PAH: variants seen among roughly 807,000 people sequenced by gnomAD.
PAH encodes the protein phenylalanine-4-hydroxylase.
PAH carries 64 observed loss-of-function variants against 62.0 expected under a neutral mutation model. The observed-to-expected ratio is 1.03, with a 90% CI of 0.84 to 1.27. PAH has a LOEUF of 1.27. Ranked by LOEUF, PAH falls within the 50% of genes most tolerant of loss-of-function variation. PAH has a pLI of 0.00. For synonymous variants in PAH, 195 were observed against 196.2 expected, an observed-to-expected ratio of 0.99 and a Z score of 0.05; for missense variants, 579 against 542.8, an observed-to-expected ratio of 1.07 and a Z score of -0.66.
At chr12:102,856,723 G>C (rs551694838) in intron 5 of PAH, among the ~76,000 whole-genome samples, 1 of 152,200 alleles carries the variant, frequency 6.6e-6, no homozygotes, top group Non-Finnish European at 1.5e-5. Context: ...AGGCAAACAG[G>C]GTCTGGAGTG....
At chr12:102,863,564 A>G (rs759021658) in intron 5 of PAH, among the ~76,000 whole-genome samples, 47 of 152,166 alleles carry the variant, frequency 3.1e-4, no homozygotes, top group Non-Finnish European at 6.2e-4. Context: ...AGTGGACTCA[A>G]TGCCAGAACT....
chr12:102,903,890 G>A (rs568718989), intron 2 of PAH, among the ~76,000 whole-genome samples: 4 of 152,086 alleles, frequency 2.6e-5, no homozygotes, highest in Non-Finnish European at 5.9e-5. Flanking sequence ...CTTCCCCCAG[G>A]AGCCTGCTTC....
chr12:102,877,363 G>A, intron 4 of PAH, 99 bp downstream of exon 4: 1 of 913,722 alleles, frequency 1.1e-6, no homozygotes, highest in Non-Finnish European at 1.8e-6. Flanking sequence ...TGTTGAACAA[G>A]TGAACAAGTA....
chr12:102,868,176 GTATATA>G (rs201396594), intron 4 of PAH, among the ~76,000 whole-genome samples: 58 of 2,392 alleles, frequency 0.024, 5 homozygotes, highest in African/African-American at 0.083. Flanking sequence ...ACATATATGT[GTATATA>G]TATATATATA....
At chr12:102,864,641 T>C (rs1009194162) in intron 5 of PAH, among the ~76,000 whole-genome samples, 9 of 151,662 alleles carry the variant, frequency 5.9e-5, no homozygotes, top group African/African-American at 2.2e-4. Flanking sequence ...AAAGGTAGAG[T>C]GTTGCCTTCT....
chr12:102,906,676 G>A (rs1877988877), intron 2 of PAH, among the ~76,000 whole-genome samples: 1 of 152,166 alleles, frequency 6.6e-6, no homozygotes. Context: ...TGCATTAAGT[G>A]ATTTAATCTT....
At chr12:102,920,456 C>T (rs1407586855), upstream of PAH, among the ~76,000 whole-genome samples, 2 of 152,158 alleles carry the variant, frequency 1.3e-5, no homozygotes, top group Admixed American at 1.3e-4. Context: ...TAGAGCTGAC[C>T]TTTGCTGATT....
intron 9 of PAH, 54 bp downstream of exon 9, chr12:102,846,841 G>C (rs1438788148): frequency 1.4e-6 from 2 of 1,469,868 alleles, no homozygotes; most frequent in Admixed American, 1.7e-5. Context: ...TCAAAGACCT[G>C]AGGGCCATAG....
chr12:102,846,822 A>G, intron 9 of PAH, 73 bp downstream of exon 9: 1 of 1,267,700 alleles, frequency 7.9e-7, no homozygotes, highest in Non-Finnish European at 1.2e-6. Context: ...CCAGGGGAGT[A>G]GGAAAGTTTC....
intron 1 of PAH, among the ~76,000 whole-genome samples, chr12:102,926,490 A>G (rs1173444020): frequency 6.6e-6 from 1 of 152,016 alleles, no homozygotes; most frequent in Non-Finnish European, 1.5e-5. Context: ...AAATTCATGT[A>G]ACTGGTTCAT....
intron 6 of PAH, chr12:102,854,915 C>T (rs2136648829): frequency 1.6e-6 from 1 of 620,694 alleles, no homozygotes; most frequent in Middle Eastern, 4.3e-4. Context: ...AATCCACAGC[C>T]TCAGGTGTTT....
chr12:102,865,895 G>A (rs1242679838), intron 5 of PAH, among the ~76,000 whole-genome samples: 4 of 152,134 alleles, frequency 2.6e-5, no homozygotes, highest in African/African-American at 9.7e-5. Context: ...GTTTCTTCTT[G>A]TGCATGTCTT....
chr12:102,877,937 T>C (rs1388039418), intron 3 of PAH, among the ~76,000 whole-genome samples: 1 of 152,170 alleles, frequency 6.6e-6, no homozygotes, highest in East Asian at 1.9e-4. Context: ...GTGACTCTCC[T>C]GCCTCAGCCT....
At chr12:102,882,923 G>A (rs796260637) in intron 3 of PAH, among the ~76,000 whole-genome samples, 1 of 152,006 alleles carries the variant, frequency 6.6e-6, no homozygotes, top group African/African-American at 2.4e-5. Context: ...TTTTATCAAT[G>A]TTAACCATTA....
chr12:102,944,521 G>A lies in PAH; in HGVS notation c.-96+6068C>T, dbSNP rs115481249. On this transcript the variant is annotated intron_variant, in intron 1 of 3. Coordinates refer to the PAH transcript ENST00000546844. ...GCTCACTAATTCTTTCTTCTGCTTC[G>A]TCAATTATCTTATGACTGTAATACA... Among the ~76,000 whole-genome samples, 395 of 152,124 alleles carry A rather than the reference G, an allele frequency of 2.6e-3. 2 individuals carry two copies. The highest frequency in any genetic ancestry group is 8.4e-3 in the African/African-American group (348 of 41,490).
At chr12:102,898,638 GTGAC>G (rs1280661130) in intron 2 of PAH, among the ~76,000 whole-genome samples, 1 of 152,128 alleles carries the variant, frequency 6.6e-6, no homozygotes, top group East Asian at 1.9e-4. Context: ...ATTCTTTTCT[GTGAC>G]CATCCCAACA....
intron 1 of PAH, among the ~76,000 whole-genome samples, chr12:102,941,560 G>A (rs1015438915): frequency 6.6e-6 from 1 of 152,078 alleles, no homozygotes; most frequent in Non-Finnish European, 1.5e-5. Context: ...AAATAATGAA[G>A]TAGAGGATCA....
chr12:102,874,099 A>G (rs1460468098), intron 4 of PAH, among the ~76,000 whole-genome samples: 1 of 152,208 alleles, frequency 6.6e-6, no homozygotes, highest in Non-Finnish European at 1.5e-5. Flanking sequence ...CAGTGTGAGA[A>G]ACTTAAGTCT....
chr12:102,912,764 C>A (rs1185062289), intron 2 of PAH, 27 bp downstream of exon 2: 1 of 1,456,278 alleles, frequency 6.9e-7, no homozygotes, highest in Non-Finnish European at 9.7e-7. Context: ...CGACATTATC[C>A]AAGACAAACA....
Sources: allele counts gnomAD v4.1 joint callset (sites outside exome capture counted in the v4.1 genomes callset), GRCh38; gene constraint gnomAD v4.1.1; transcripts MANE v1.5; gene names NCBI Gene and HGNC (gene_info 2026-07-23, HGNC 2026-07-21).